The following SDK1 variants were observed in gnomAD, a reference collection of about 807,000 sequenced individuals.
SDK1 encodes the protein protein sidekick-1.
SDK1 carries 157 observed loss-of-function variants against 245.5 expected under a neutral mutation model. The observed-to-expected ratio is 0.64, with a 90% CI of 0.56 to 0.73. The LOEUF (loss-of-function observed/expected upper bound fraction) is 0.73, where lower values mean the gene tolerates loss of function less well. Among genes scored for constraint, SDK1 ranks in the 30% least tolerant of loss-of-function variants. The pLI, the probability that SDK1 is intolerant of heterozygous loss-of-function variation, is 0.00. For synonymous variants in SDK1, 1,647 were observed against 1,278.5 expected, an observed-to-expected ratio of 1.29 and a Z score of -6.15; for missense variants, 3,583 against 3,002.3, an observed-to-expected ratio of 1.19 and a Z score of -4.52.
chr7:3,832,238 CAA>C (rs1473969455), intron 5 of SDK1, among the ~76,000 whole-genome samples: 1 of 152,082 alleles, frequency 6.6e-6, no homozygotes, highest in Non-Finnish European at 1.5e-5. Flanking sequence ...GTCTTTTCCC[CAA>C]AGAGACTTTC....
intron 29 of SDK1, among the ~76,000 whole-genome samples, chr7:4,146,947 T>A (rs367971205): frequency 2.6e-5 from 4 of 152,190 alleles, no homozygotes; most frequent in African/African-American, 9.6e-5. Context: ...CGAGGCCGAC[T>A]CTTCCCATGA....
At chr7:3,710,355 G>C (rs1187087715) in intron 4 of SDK1, among the ~76,000 whole-genome samples, 2 of 152,186 alleles carry the variant, frequency 1.3e-5, no homozygotes, top group Non-Finnish European at 2.9e-5. Flanking sequence ...CTTTCTTGTT[G>C]ACTGGTTATT....
At chr7:3,553,113 AT>A (rs1459124946) in intron 1 of SDK1, among the ~76,000 whole-genome samples, 2 of 152,096 alleles carry the variant, frequency 1.3e-5, no homozygotes, top group Non-Finnish European at 2.9e-5. Context: ...GGTCTTTCCT[AT>A]TCATATATTT....
intron 17 of SDK1, among the ~76,000 whole-genome samples, chr7:4,019,553 T>C (rs1218529487): frequency 1.3e-5 from 2 of 152,010 alleles, no homozygotes; most frequent in Admixed American, 6.6e-5. Flanking sequence ...CTTTTTCCCA[T>C]ATGTGATGAG....
intron 5 of SDK1, among the ~76,000 whole-genome samples, chr7:3,828,955 C>T (rs1779848652): frequency 6.6e-6 from 1 of 152,180 alleles, no homozygotes; most frequent in Non-Finnish European, 1.5e-5. Flanking sequence ...CTGAACCCCA[C>T]CAAGATTGAA....
At chr7:3,841,603 G>C (rs1780160458) in intron 5 of SDK1, among the ~76,000 whole-genome samples, 1 of 150,294 alleles carries the variant, frequency 6.7e-6, no homozygotes, top group African/African-American at 2.5e-5. Flanking sequence ...GTTTTGCTCT[G>C]TCACCCAGGC....
intron 1 of SDK1, among the ~76,000 whole-genome samples, chr7:3,613,186 G>A (rs563640915): frequency 1.3e-5 from 2 of 152,072 alleles, no homozygotes; most frequent in Non-Finnish European, 2.9e-5. Flanking sequence ...AAAATCCATC[G>A]CAAGACCCCC....
intron 1 of SDK1, among the ~76,000 whole-genome samples, chr7:3,372,291 C>T (rs989340891): frequency 6.6e-6 from 1 of 152,078 alleles, no homozygotes; most frequent in Non-Finnish European, 1.5e-5. Flanking sequence ...AGAAAAGGCT[C>T]CCAAGCTAGT....
intron 5 of SDK1, among the ~76,000 whole-genome samples, chr7:3,873,824 G>A (rs1489718641): frequency 6.6e-6 from 1 of 151,648 alleles, no homozygotes; most frequent in East Asian, 1.9e-4. Context: ...TTCCATTTTT[G>A]TGTGAAATTA....
chr7:3,722,579 G>C (rs1400560237), intron 4 of SDK1, among the ~76,000 whole-genome samples: 2 of 152,176 alleles, frequency 1.3e-5, no homozygotes, highest in African/African-American at 4.8e-5. Flanking sequence ...CCTTAGGGAT[G>C]CACTGTGTGT....
In SDK1 at chr7:4,115,426, C is replaced by G. The variant is rs548711398; in HGVS notation, c.3823+1152C>G. On this transcript the variant is annotated intron_variant, in intron 25 of 44. Transcript: ENST00000404826. ...CCAGAGGAAAAGAACAAGACTCCCC[C>G]ACTCCTTCCCCCAGGGAGCCTAGAT... Among the ~76,000 whole-genome samples, 3 of 152,334 alleles carry G rather than the reference C, an allele frequency of 2.0e-5. No homozygotes were observed. In the South Asian group the frequency reaches 6.2e-4, roughly 32 times the overall value.
chr7:3,555,483 T>A (rs999069812), intron 1 of SDK1, among the ~76,000 whole-genome samples: 1 of 152,104 alleles, frequency 6.6e-6, no homozygotes, highest in Non-Finnish European at 1.5e-5. Context: ...AAAGAAAACA[T>A]TGGGGAAACT....
chr7:3,825,142 A>C (rs1779738738), intron 5 of SDK1, among the ~76,000 whole-genome samples: 1 of 152,134 alleles, frequency 6.6e-6, no homozygotes, highest in Admixed American at 6.5e-5. Context: ...CACACCAGAA[A>C]AAGAAGGGTT....
chr7:3,725,324 G>T (rs953590362), intron 4 of SDK1, among the ~76,000 whole-genome samples: 53 of 152,306 alleles, frequency 3.5e-4, no homozygotes, highest in African/African-American at 1.2e-3. Flanking sequence ...GGAAGGAACT[G>T]TCCTTCTCAA....
chr7:4,105,544 A>G (rs1782846359), intron 22 of SDK1, among the ~76,000 whole-genome samples: 1 of 151,716 alleles, frequency 6.6e-6, no homozygotes, highest in Non-Finnish European at 1.5e-5. Flanking sequence ...TGACCTCGTG[A>G]TCCACCCACC....
chr7:3,556,010 G>T (rs1779575728), intron 1 of SDK1, among the ~76,000 whole-genome samples: 1 of 152,114 alleles, frequency 6.6e-6, no homozygotes, highest in African/African-American at 2.4e-5. Context: ...CAGTTTGGAG[G>T]TTTCTCAAAA....
intron 5 of SDK1, among the ~76,000 whole-genome samples, chr7:3,830,961 T>A (rs962488300): frequency 2.0e-4 from 31 of 152,214 alleles, no homozygotes; most frequent in Non-Finnish European, 8.8e-5. Flanking sequence ...CCCAAGATTA[T>A]AACTTATGCA....
At chr7:3,974,848 C>G (rs1040166708) in intron 13 of SDK1, 1 of 254,126 alleles carries the variant, frequency 3.9e-6, no homozygotes, top group African/African-American at 2.2e-5. Flanking sequence ...CTGTTTACCA[C>G]TCTGCGCTTA....
chr7:3,396,958 G>C (rs1778726889), intron 1 of SDK1, among the ~76,000 whole-genome samples: 1 of 150,756 alleles, frequency 6.6e-6, no homozygotes, highest in Admixed American at 6.6e-5. Flanking sequence ...GCTTTCTTTT[G>C]TGTTAAATGG....
Sources: gnomAD v4.1 joint callset for allele counts (sites outside exome capture counted in the v4.1 genomes callset) on GRCh38, gnomAD v4.1.1 for gene constraint, MANE v1.5 for transcripts, NCBI Gene and HGNC (gene_info 2026-07-23, HGNC 2026-07-21) for gene names.